The following SVIL variants were observed in gnomAD, a reference collection of about 807,000 sequenced individuals.
SVIL encodes supervillin, also known as archvillin.
In SVIL, 101 loss-of-function variants were observed where a neutral mutation model predicts 240.4. That is an observed-to-expected ratio of 0.42 (90% CI 0.36 to 0.50). The LOEUF is 0.50. Among genes scored for constraint, SVIL ranks in the 20% least tolerant of loss-of-function variants. The pLI is 0.01. For missense variants in SVIL, 2,512 were observed against 2,818.7 expected (o/e 0.89, Z 2.46); for synonymous variants, 999 against 1,100.0 (o/e 0.91, Z 1.82).
At chr10:29,674,663 G>A (rs115501638) in intron 2 of SVIL, among the ~76,000 whole-genome samples, 134 of 152,270 alleles carry the variant, frequency 8.8e-4, no homozygotes, top group African/African-American at 3.0e-3. Flanking sequence ...GACTATGTAC[G>A]TGGTGACTTA....
intron 5 of SVIL, 58 bp downstream of exon 5, chr10:29,554,725 C>A: frequency 6.9e-7 from 1 of 1,458,090 alleles, no homozygotes; most frequent in Non-Finnish European, 9.0e-7. Context: ...GTGGAAAGGG[C>A]AACTCGTAAC....
intron 1 of SVIL, among the ~76,000 whole-genome samples, chr10:29,593,555 C>T (rs965598665): frequency 6.6e-6 from 1 of 152,126 alleles, no homozygotes; most frequent in Non-Finnish European, 1.5e-5. Flanking sequence ...TTATCAAAAC[C>T]CAGATACATC....
chr10:29,733,008 T>G (rs974679264), intron 1 of SVIL, among the ~76,000 whole-genome samples: 2 of 152,106 alleles, frequency 1.3e-5, no homozygotes, highest in Non-Finnish European at 2.9e-5. Flanking sequence ...CCTTGTAAAC[T>G]CCTTGGGCGA....
At chr10:29,535,956 C>T (rs1951715146) in intron 7 of SVIL, 33 bp downstream of exon 7, 1 of 1,612,034 alleles carries the variant, frequency 6.2e-7, no homozygotes, top group African/African-American at 1.3e-5. Context: ...AACACTCATG[C>T]ACACAAGCCC....
At chr10:29,541,001 C>T (rs1753226881) in intron 6 of SVIL, among the ~76,000 whole-genome samples, 2 of 152,192 alleles carry the variant, frequency 1.3e-5, no homozygotes, top group South Asian at 4.1e-4. Flanking sequence ...ACAAAATTTA[C>T]TTCAGGGGCC....
intron 16 of SVIL, among the ~76,000 whole-genome samples, chr10:29,514,073 T>A (rs1564550026): frequency 6.6e-6 from 1 of 152,044 alleles, no homozygotes; most frequent in Non-Finnish European, 1.5e-5. Flanking sequence ...AATAATTAGA[T>A]CCTTTTCCCT....
At chr10:29,691,397 G>C (rs1183145532) in intron 1 of SVIL, among the ~76,000 whole-genome samples, 3 of 152,012 alleles carry the variant, frequency 2.0e-5, no homozygotes, top group Non-Finnish European at 4.4e-5. Flanking sequence ...ATTTTTAGTA[G>C]AGACGGTGTT....
At chr10:29,661,387 G>T (rs1475774756) in intron 2 of SVIL, among the ~76,000 whole-genome samples, 4 of 152,178 alleles carry the variant, frequency 2.6e-5, no homozygotes, top group African/African-American at 9.7e-5. Flanking sequence ...GGGACAGGTT[G>T]AAGTTCGAGA....
At chr10:29,535,857 A>G (rs1434105663) in intron 7 of SVIL, 132 bp downstream of exon 7, 1 of 843,294 alleles carries the variant, frequency 1.2e-6, no homozygotes, top group African/African-American at 1.7e-5. Context: ...ATTAGAAAGT[A>G]ACTTCCACGT....
chr10:29,619,963 G>T (rs951213552), intron 1 of SVIL, among the ~76,000 whole-genome samples: 2 of 151,886 alleles, frequency 1.3e-5, no homozygotes, highest in African/African-American at 4.8e-5. Flanking sequence ...TAACAGAGAA[G>T]AAAAAATGAC....
At position 29,697,819 on chromosome 10, in the gene SVIL, AAACAAC is replaced by A. The variant is rs905589449; in HGVS notation, c.-399-11174_-399-11169del. 5.6e-5 allele frequency: 15 copies of A among 269,886 alleles called. 1 individual carries two copies. In the African/African-American group the frequency reaches 5.6e-4, roughly 10 times the overall value. 16.7% of individuals were successfully genotyped at this position (269,886 alleles called of 1,614,324 possible). The stretch of plus-strand genomic sequence containing the variant: ...TAAAAAAAAAATAAAATTAAAAAGA[AAACAAC>A]AACAACAACAAAAAAAAGTCCTCCC... On this transcript the variant is annotated intron_variant, in intron 1 of 35. Transcript: ENST00000375400.
chr10:29,636,313 T>C (rs1788067848), upstream of SVIL, among the ~76,000 whole-genome samples: 1 of 152,174 alleles, frequency 6.6e-6, no homozygotes, highest in African/African-American at 2.4e-5. Context: ...CAAAAATAAA[T>C]AAAAACTTAC....
At chr10:29,709,586 G>A (rs541092703) in intron 1 of SVIL, among the ~76,000 whole-genome samples, 3 of 152,314 alleles carry the variant, frequency 2.0e-5, no homozygotes, top group South Asian at 4.1e-4. Flanking sequence ...GCAGGAGGAA[G>A]CGACTTTTCT....
chr10:29,528,519 G>T (rs370404720), intron 12 of SVIL, among the ~76,000 whole-genome samples: 1 of 151,746 alleles, frequency 6.6e-6, no homozygotes, highest in Admixed American at 6.6e-5. Flanking sequence ...TGGGAGGATC[G>T]CTTGAGCCCA....
intron 18 of SVIL, among the ~76,000 whole-genome samples, chr10:29,496,657 A>C (rs1051315350): frequency 3.3e-5 from 5 of 152,224 alleles, no homozygotes; most frequent in Non-Finnish European, 1.5e-5. Flanking sequence ...AGGGAGATGC[A>C]AATTACAAAA....
intron 2 of SVIL, among the ~76,000 whole-genome samples, chr10:29,680,133 C>T (rs1164227783): frequency 1.3e-5 from 2 of 152,204 alleles, no homozygotes; most frequent in East Asian, 1.9e-4. Context: ...TGCAGTGAGC[C>T]GTGACTGTGC....
intron 17 of SVIL, among the ~76,000 whole-genome samples, chr10:29,510,589 G>T (rs1949757540): frequency 6.6e-6 from 1 of 151,886 alleles, no homozygotes; most frequent in Admixed American, 6.6e-5. Context: ...TCTGCCTTTG[G>T]TGCTAAAGAT....
chr10:29,519,630 T>C (rs1006623787), intron 16 of SVIL, among the ~76,000 whole-genome samples: 1 of 152,256 alleles, frequency 6.6e-6, no homozygotes, highest in Non-Finnish European at 1.5e-5. Context: ...ATAAAAGTAC[T>C]GTGAAGGTAA....
At chr10:29,663,217 G>C (rs927081066) in intron 2 of SVIL, among the ~76,000 whole-genome samples, 5 of 152,136 alleles carry the variant, frequency 3.3e-5, no homozygotes, top group African/African-American at 1.2e-4. Flanking sequence ...TCCTAGACTT[G>C]TAATATTTTT....
Sources: gnomAD v4.1 joint callset for allele counts (sites outside exome capture counted in the v4.1 genomes callset) on GRCh38, gnomAD v4.1.1 for gene constraint, MANE v1.5 for transcripts, NCBI Gene and HGNC (gene_info 2026-07-23, HGNC 2026-07-21) for gene names.